The following GPD1L variants were observed in gnomAD, a reference collection of about 807,000 sequenced individuals.
GPD1L encodes glycerol-3-phosphate dehydrogenase 1 like, also known as glycerol-3-phosphate dehydrogenase 1-like protein.
In GPD1L, 17 loss-of-function variants were observed where a neutral mutation model predicts 32.9. The ratio of observed to expected loss-of-function variants is 0.52; its 90% CI spans 0.35 to 0.78. The LOEUF (loss-of-function observed/expected upper bound fraction) is 0.78. GPD1L is among the 30% of genes least tolerant of loss of function. The probability of loss-of-function intolerance (pLI) is 0.01; values close to 1 mark genes in which losing one functional copy is unlikely to be tolerated. For synonymous variants in GPD1L, 187 were observed against 165.9 expected, an observed-to-expected ratio of 1.13 and a Z score of -0.98; for missense variants, 361 against 447.8, an observed-to-expected ratio of 0.81 and a Z score of 1.75.
At chr3:32,157,792 GTTCCCGT>G (rs1312207817) in intron 5 of GPD1L, among the ~76,000 whole-genome samples, 2 of 152,244 alleles carry the variant, frequency 1.3e-5, no homozygotes, top group African/African-American at 4.8e-5. Flanking sequence ...GTATGGCTGG[GTTCCCGT>G]AAAACATTAT....
Position 32,118,709 on chromosome 3 carries a change from A to G in GPD1L, c.48-9367A>G, listed in dbSNP as rs563458444. 9.9e-5 allele frequency among the ~76,000 whole-genome samples: 15 copies of G among 152,230 alleles called. No individual in the cohort carries two copies. In the South Asian group the frequency reaches 2.9e-3, roughly 30 times the overall value. On this transcript the variant is annotated intron_variant, in intron 1 of 7. Coordinates refer to ENST00000282541, the MANE Select transcript of GPD1L (RefSeq NM_015141.4). ...CAATGAAAATATTGAAAAGAATTAG[A>G]TCTCCAGAATTCTTTTCATCTTGCA...
At chr3:32,110,311 A>AT (rs376067025) in intron 1 of GPD1L, among the ~76,000 whole-genome samples, 19 of 151,908 alleles carry the variant, frequency 1.3e-4, no homozygotes, top group African/African-American at 3.6e-4. Flanking sequence ...TGAGAATGAG[A>AT]TTTTTTTTTC....
intron 7 of GPD1L, among the ~76,000 whole-genome samples, chr3:32,165,165 C>T (rs1173171210): frequency 1.3e-5 from 2 of 152,114 alleles, no homozygotes; most frequent in Non-Finnish European, 2.9e-5. Flanking sequence ...AAGATCATGC[C>T]ACCGCACTCC....
chr3:32,128,018 C>CT, intron 1 of GPD1L, 58 bp from the exon 2 acceptor site: 2 of 1,216,884 alleles, frequency 1.6e-6, no homozygotes, highest in Non-Finnish European at 2.4e-6. Flanking sequence ...TAATCAAACG[C>CT]TTTTTCTCTC....
intron 5 of GPD1L, among the ~76,000 whole-genome samples, chr3:32,154,220 C>T (rs919776838): frequency 3.9e-5 from 6 of 152,082 alleles, no homozygotes; most frequent in Non-Finnish European, 8.8e-5. Context: ...TGCACTAGGT[C>T]TCCTGATCTC....
rs1474113316 is a variant in GPD1L at position 32,165,836 on chromosome 3, T to C, written c.982T>C (p.Tyr328His). The C allele has an allele frequency of 1.2e-6, 2 of 1,602,190 alleles. No homozygotes were observed. The highest frequency in any genetic ancestry group is 1.1e-5 in the South Asian group (1 of 90,844). Reference protein sequence around the residue: ...LDKFPLFTAVYQICYESRPVQ... With the variant: ...LDKFPLFTAVHQICYESRPVQ... Reference sequence around the variant, plus strand: ...TAGGTTTCCATTGTTTACTGCAGTGTATCAGATCTGCTACGAAAGCAGACC... The same window carrying C: ...TAGGTTTCCATTGTTTACTGCAGTGCATCAGATCTGCTACGAAAGCAGACC... The change falls in exon 8 of 8, where the codon TAT becomes CAT. Residue 328 changes from tyrosine (Y) to histidine (H), a missense_variant. Physicochemically the swap from Tyr to His is moderately conservative, Grantham distance 83. Coordinates refer to ENST00000282541, the MANE Select transcript of GPD1L (RefSeq NM_015141.4).
chr3:32,134,080 T>A (rs929688038), intron 2 of GPD1L, among the ~76,000 whole-genome samples: 2 of 152,210 alleles, frequency 1.3e-5, no homozygotes, highest in African/African-American at 4.8e-5. Flanking sequence ...TCTGGAACGA[T>A]GGACACCTTC....
chr3:32,119,103 C>G (rs538939129), intron 1 of GPD1L, among the ~76,000 whole-genome samples: 1 of 152,298 alleles, frequency 6.6e-6, no homozygotes, highest in East Asian at 1.9e-4. Flanking sequence ...CTTTGAGACC[C>G]TGCTTTCAAT....
intron 4 of GPD1L, among the ~76,000 whole-genome samples, chr3:32,145,180 A>G (rs1280765425): frequency 6.6e-6 from 1 of 151,906 alleles, no homozygotes; most frequent in Non-Finnish European, 1.5e-5. Context: ...TTAGCCGAGT[A>G]TGGTGGCGCA....
chr3:32,146,083 CTTTTTTT>C (rs59106750), intron 4 of GPD1L, among the ~76,000 whole-genome samples: 40,662 of 126,206 alleles, frequency 0.32, 5,724 homozygotes, highest in African/African-American at 0.39. Flanking sequence ...ATGCTTTTTT[CTTTTTTT>C]TTTTTTTTTT....
chr3:32,141,099 T>A (rs929853753), intron 4 of GPD1L, among the ~76,000 whole-genome samples: 1 of 152,230 alleles, frequency 6.6e-6, no homozygotes, highest in South Asian at 2.1e-4. Context: ...CAGAACTTAC[T>A]TTCACCCTTA....
intron 4 of GPD1L, among the ~76,000 whole-genome samples, chr3:32,143,704 G>A (rs535148945): frequency 6.6e-6 from 1 of 152,246 alleles, no homozygotes; most frequent in African/African-American, 2.4e-5. Context: ...TTAGCCAGGT[G>A]TGGTGGCGCA....
At chr3:32,124,513 G>C (rs1260876062) in intron 1 of GPD1L, among the ~76,000 whole-genome samples, 2 of 152,136 alleles carry the variant, frequency 1.3e-5, no homozygotes, top group African/African-American at 4.8e-5. Flanking sequence ...GTAACACTTG[G>C]GACAAATGCA....
chr3:32,137,115 G>A (rs1395622916), intron 2 of GPD1L, among the ~76,000 whole-genome samples: 1 of 152,178 alleles, frequency 6.6e-6, no homozygotes, highest in Non-Finnish European at 1.5e-5. Flanking sequence ...TTTCCTCAGA[G>A]GCTGGCCCAT....
At chr3:32,162,681 C>A (rs911617537) in intron 7 of GPD1L, among the ~76,000 whole-genome samples, 1 of 152,116 alleles carries the variant, frequency 6.6e-6, no homozygotes, top group South Asian at 2.1e-4. Context: ...GACCGTGTCA[C>A]ATTCTGAGAT....
At position 32,106,731 on chromosome 3, in the gene GPD1L, A is replaced by G; in HGVS notation, c.20A>G (p.Lys7Arg). Residue 7 changes from lysine to arginine, a missense_variant, in exon 1 of 8, where the codon AAA (lysine) becomes AGA (arginine). Lys to Arg is a conservative substitution (Grantham distance 26, BLOSUM62 2). Coordinates refer to ENST00000282541, the MANE Select transcript of GPD1L (RefSeq NM_015141.4). This position sits in a 1 kb window ranked among gnomAD's most constrained non-coding sequence, Gnocchi z 4.0. MAAAPL[K>R]VCIVGSGNWG... ...CCGGCCATGGCAGCGGCGCCCCTGA[A>G]AGTGTGCATCGTGGGCTCGGGGAAC... is the stretch of plus-strand genomic sequence containing the variant. 1 of 1,562,954 alleles carries G rather than the reference A, an allele frequency of 6.4e-7. No homozygotes were observed. The highest frequency in any genetic ancestry group is 8.7e-7 in the Non-Finnish European group (1 of 1,155,622).
At chr3:32,108,133 T>G (rs1386839673) in intron 1 of GPD1L, among the ~76,000 whole-genome samples, 1 of 152,226 alleles carries the variant, frequency 6.6e-6, no homozygotes, top group Non-Finnish European at 1.5e-5. Context: ...GCGCAGTAGC[T>G]TATGCCTGTA....
intron 1 of GPD1L, among the ~76,000 whole-genome samples, chr3:32,110,018 C>T (rs1037278510): frequency 3.3e-5 from 5 of 152,222 alleles, no homozygotes; most frequent in South Asian, 4.1e-4. Context: ...CGCGGGTTCA[C>T]GCCATTCTCC....
chr3:32,131,442 T>A (rs1700586576), intron 2 of GPD1L, among the ~76,000 whole-genome samples: 1 of 152,232 alleles, frequency 6.6e-6, no homozygotes, highest in Non-Finnish European at 1.5e-5. Flanking sequence ...TGACTACTAA[T>A]CTACTTTCTA....
Sources: allele counts gnomAD v4.1 joint callset (sites outside exome capture counted in the v4.1 genomes callset), GRCh38; gene constraint gnomAD v4.1.1; non-coding constraint Gnocchi (gnomAD v3.1); transcripts MANE v1.5; gene names NCBI Gene and HGNC (gene_info 2026-07-23, HGNC 2026-07-21).